The following ROGDI variants were observed in gnomAD, a reference collection of about 807,000 sequenced individuals.
ROGDI encodes the protein protein rogdi homolog.
In ROGDI, 46 loss-of-function variants were observed where a neutral mutation model predicts 43.1. The observed-to-expected ratio is 1.07, with a 90% CI of 0.84 to 1.37. The LOEUF is 1.37. Ranked by LOEUF, ROGDI falls within the 40% of genes most tolerant of loss-of-function variation. The pLI is 0.00. For missense variants in ROGDI, 518 were observed against 383.9 expected, an observed-to-expected ratio of 1.35 and a Z score of -2.92; for synonymous variants, 243 against 162.0, an observed-to-expected ratio of 1.50 and a Z score of -3.80.
chr16:4,802,491 G>A, intron 1 of ROGDI, 36 bp downstream of exon 1: 2 of 1,209,698 alleles, frequency 1.7e-6, no homozygotes, highest in South Asian at 4.0e-5. Context: ...CGGCCCCGCC[G>A]CCCCGCCGGC....
At position 4,797,840 on chromosome 16, in the gene ROGDI, G is replaced by A. The variant is rs75818610; in HGVS notation, c.696C>T (p.Phe232=). Residue 232 remains phenylalanine, a splice_region_variant and synonymous_variant, in exon 10 of 11, where the codon TTC becomes TTT. Transcript: ENST00000322048. The stretch of plus-strand genomic sequence containing the variant: ...CCTCCAGGCGCTGAGAGCCCCACTC[G>A]CTGTGGGCAGTGAGAGGGTCCCTGA... The part of the protein sequence containing the change: ...GAVLHSPGAM[F]EWGSQRLEVS... 1.2e-3 allele frequency: 1,965 copies of A among 1,611,022 alleles called. 25 individuals are homozygous for A. In the African/African-American group the frequency reaches 0.023, roughly 19 times the overall value.
At position 4,802,591 on chromosome 16, in the gene ROGDI, G is replaced by A; in HGVS notation, c.-20C>T. ...GGCCATGGCCGCAGGCCGCCGCCGAGCGCCCTCCCCACCGGCCGCTGCTCC... is the reference window on the plus strand; with the variant it reads ...GGCCATGGCCGCAGGCCGCCGCCGAACGCCCTCCCCACCGGCCGCTGCTCC... On this transcript the variant is annotated 5_prime_UTR_variant, in exon 1 of 11. Coordinates refer to ENST00000322048, the MANE Select transcript of ROGDI (RefSeq NM_024589.3). 1 of 1,307,918 alleles carries A rather than the reference G, an allele frequency of 7.6e-7. No homozygotes were observed. The highest frequency in any genetic ancestry group is 9.8e-7 in the Non-Finnish European group (1 of 1,023,788). 81.0% of individuals were successfully genotyped at this position (1,307,918 alleles called of 1,614,324 possible). A position where few individuals can be genotyped will look rare whatever the true frequency, so the allele number is the denominator to read the frequency against.
At chr16:4,797,561 G>A (rs1056314161) in intron 10 of ROGDI, 60 bp from the exon 11 acceptor site, 4 of 1,153,072 alleles carry the variant, frequency 3.5e-6, no homozygotes, top group Admixed American at 3.2e-5. Flanking sequence ...CAGGGGAGAT[G>A]TCAAGGTCAC....
chr16:4,797,832 C>A lies in ROGDI; in HGVS notation c.704G>T (p.Gly235Val). 2 of 1,611,532 alleles carry A rather than the reference C, an allele frequency of 1.2e-6. No individual in the cohort carries two copies. Among genetic ancestry groups the A allele is most frequent in the Non-Finnish European group, 1.7e-6 (2 of 1,179,890 alleles). ...GTGGCTCACCTCCAGGCGCTGAGAG[C>A]CCCACTCGCTGTGGGCAGTGAGAGG... ...LHSPGAMFEW[G>V]SQRLEVSHVH... The change falls in exon 10 of 11, where the codon GGC becomes GTC. Residue 235 changes from glycine (G) to valine (V), a missense_variant. Transcript: ENST00000322048.
chr16:4,798,182 C>A lies in ROGDI; in HGVS notation c.534G>T (p.Arg178=). 6.2e-7 allele frequency: 1 copy of A among 1,612,966 alleles called. No homozygotes were observed. Among genetic ancestry groups the A allele is most frequent in the Non-Finnish European group, 8.5e-7 (1 of 1,179,508 alleles). ...LPEIAASGLT[R]MFAPALPSDL... ...CGGACGGCAGGGCAGGGGCGAACAT[C>A]CGCTGCGGGAGGCAGGTGGGATGAG... Residue 178 remains arginine, a splice_region_variant and synonymous_variant, in exon 8 of 11, where the codon CGG becomes CGT. Coordinates refer to ENST00000322048, the MANE Select transcript of ROGDI (RefSeq NM_024589.3).
rs202026994 is a variant in ROGDI at position 4,797,860 on chromosome 16, C to T, written c.696-20G>A. 1.8e-5 allele frequency: 29 copies of T among 1,609,512 alleles called. No homozygotes were observed. In the South Asian group the frequency reaches 2.7e-4, roughly 15 times the overall value. ...CACTCGCTGTGGGCAGTGAGAGGGT[C>T]CCTGAGGAGGGTCCCGGCCCTCCAG... On this transcript the variant is annotated intron_variant, in intron 9 of 10. Transcript: ENST00000322048.
rs1255273555 is a variant in ROGDI, at chr16:4,799,694, C to A, written c.424G>T (p.Val142Phe). 1.9e-6 allele frequency: 3 copies of A among 1,612,738 alleles called. No homozygotes were observed. The highest frequency in any genetic ancestry group is 1.7e-6 in the Non-Finnish European group (2 of 1,179,194). ...GCCCGGGGGCAGCTCACCTTGAGGA[C>A]CTCAGCGCCCGTCTTGAACTGGTAG... Reference protein sequence around the residue: ...QSYQFKTGAEVLKLMDAVMLQ... With the variant: ...QSYQFKTGAEFLKLMDAVMLQ... The change falls in exon 6 of 11, where the codon GTC becomes TTC. Residue 142 changes from valine to phenylalanine, a missense_variant. Transcript: ENST00000322048.
chr16:4,798,741 T>A, intron 6 of ROGDI, 74 bp from the exon 7 acceptor site: 1 of 1,220,596 alleles, frequency 8.2e-7, no homozygotes. Context: ...ACATGGTAGC[T>A]CCCACTCCCA....
In ROGDI at chr16:4,802,620, C is replaced by T. The variant is rs747910229; in HGVS notation, c.-49G>A. On this transcript the variant is annotated 5_prime_UTR_variant, in exon 1 of 11. Coordinates refer to ENST00000322048, the MANE Select transcript of ROGDI (RefSeq NM_024589.3). ...CCTCCCCACCGGCCGCTGCTCCTGT[C>T]CACCAATCTTTCTGTCCTCGGTCCT... 1 of 1,281,766 alleles carries T rather than the reference C, an allele frequency of 7.8e-7. No homozygotes were observed. Among genetic ancestry groups the T allele is most frequent in the Non-Finnish European group, 9.9e-7 (1 of 1,009,732 alleles). The allele number at this position is 1,281,766 out of a possible 1,614,324, so 79.4% of individuals were successfully genotyped here. A position where few individuals can be genotyped will look rare whatever the true frequency, so the allele number is the denominator to read the frequency against.
chr16:4,801,642 G>T lies in ROGDI; in HGVS notation c.118-57C>A. 3 of 1,469,528 alleles carry T rather than the reference G, an allele frequency of 2.0e-6. No individual in the cohort carries two copies. The South Asian group carries it at 3.6e-5, about 18-fold the overall frequency. 91.0% of individuals were successfully genotyped at this position (1,469,528 alleles called of 1,614,324 possible). ...AGCGCCCACTCAGGCCCGGCCCAGT[G>T]CTCCTTCCAGAAGCCCCCCTCCCTC... On this transcript the variant is annotated intron_variant, in intron 2 of 10. Transcript: ENST00000322048.
Position 4,798,673 on chromosome 16 carries a change from G to A in ROGDI, c.433-6C>T. On this transcript the variant is annotated splice_region_variant and splice_polypyrimidine_tract_variant and intron_variant, in intron 6 of 10. Transcript: ENST00000322048. ...AGCATCACTGCGTCCATCAGCTGCA[G>A]GGAGAGGCGGGGTTGGCTCTGCGTC... 5.8e-6 allele frequency: 9 copies of A among 1,552,448 alleles called. No individual in the cohort carries two copies. The highest frequency in any genetic ancestry group is 6.9e-6 in the Non-Finnish European group (8 of 1,151,546).
Position 4,802,321 on chromosome 16 carries a change from G to T in ROGDI, c.117+61C>A, listed in dbSNP as rs548587939. The T allele has an allele frequency of 4.9e-6, 7 of 1,418,178 alleles. No homozygotes were observed. In the South Asian group the frequency reaches 9.1e-5, roughly 19 times the overall value. 87.8% of individuals were successfully genotyped at this position (1,418,178 alleles called of 1,614,324 possible). On this transcript the variant is annotated intron_variant, in intron 2 of 10. Coordinates refer to ENST00000322048, the MANE Select transcript of ROGDI (RefSeq NM_024589.3). ...GGACGCAGCCGCGCGGCCCCAGGTG[G>T]AGCCAGGGAAATGAGGAGGGAGGGC...
At chr16:4,799,817 C>T (rs531898298) in intron 5 of ROGDI, 36 bp from the exon 6 acceptor site, 1 of 1,490,722 alleles carries the variant, frequency 6.7e-7, no homozygotes, top group African/African-American at 1.4e-5. Flanking sequence ...GTCACGCCAG[C>T]TTCCATGCGG....
chr16:4,801,658 C>A (rs1426247260), intron 2 of ROGDI, 73 bp from the exon 3 acceptor site: 2 of 1,377,268 alleles, frequency 1.5e-6, no homozygotes, highest in Non-Finnish European at 2.0e-6. Context: ...TCCAGAAGCC[C>A]CCCTCCCTCC....
chr16:4,797,883 C>T, intron 9 of ROGDI, 43 bp from the exon 10 acceptor site: 1 of 1,607,034 alleles, frequency 6.2e-7, no homozygotes, highest in South Asian at 1.1e-5. Flanking sequence ...CCCGGCCCTC[C>T]AGGTGTGGAG....
chr16:4,801,607 G>C, intron 2 of ROGDI, 22 bp from the exon 3 acceptor site: 1 of 1,576,178 alleles, frequency 6.3e-7, no homozygotes, highest in Non-Finnish European at 8.6e-7. Context: ...AGGGAAGGAG[G>C]GGAGCTGGTA....
At chr16:4,800,995 G>A (rs1305404345) in intron 4 of ROGDI, 8 of 511,712 alleles carry the variant, frequency 1.6e-5, no homozygotes, top group Admixed American at 1.1e-4. Flanking sequence ...TGTGATGTGT[G>A]GCCAGCCTAA....
Position 4,797,475 on chromosome 16 carries a change from G to A in ROGDI, c.849C>T (p.Ser283=). ...GGTGCTGTGATCAGAAGGGTCTGTA[G>A]CTCCAGTAGCTGGAGAACACGGAGA... ...DKISVFSSYW[S]YRPF is the part of the protein sequence containing the mutation. Residue 283 remains serine (S), a synonymous_variant, in exon 11 of 11, where the codon AGC becomes AGT. Coordinates refer to ENST00000322048, the MANE Select transcript of ROGDI (RefSeq NM_024589.3). 1 of 1,613,440 alleles carries A rather than the reference G, an allele frequency of 6.2e-7. No homozygotes were observed. Among genetic ancestry groups the A allele is most frequent in the Non-Finnish European group, 8.5e-7 (1 of 1,179,604 alleles).
Position 4,798,170 on chromosome 16 carries a change from A to G in ROGDI, c.546T>C (p.Pro182=), listed in dbSNP as rs753694941. 10 of 1,613,630 alleles carry G rather than the reference A, an allele frequency of 6.2e-6. No homozygotes were observed. The highest frequency in any genetic ancestry group is 7.6e-6 in the Non-Finnish European group (9 of 1,179,848). ...AASGLTRMFA[P]ALPSDLLVNV... is the part of the protein sequence containing the mutation. The stretch of plus-strand genomic sequence containing the variant: ...TGACCAGCAGGTCGGACGGCAGGGC[A>G]GGGGCGAACATCCGCTGCGGGAGGC... Residue 182 remains proline, a synonymous_variant, in exon 8 of 11, where the codon CCT becomes CCC. Transcript: ENST00000322048.
Sources: allele counts gnomAD v4.1 joint callset, GRCh38; gene constraint gnomAD v4.1.1; transcripts MANE v1.5; gene names NCBI Gene and HGNC (gene_info 2026-07-23, HGNC 2026-07-21).